Variants in PSG6 observed in about 807,000 individuals in gnomAD.
PSG6 encodes pregnancy specific beta-1-glycoprotein 6, also known as pregnancy-specific beta-1-glycoprotein 6.
A neutral mutation model predicts 43.3 loss-of-function variants in PSG6; 51 were observed. That is an observed-to-expected ratio of 1.18 (90% confidence interval 0.94 to 1.49). The LOEUF (loss-of-function observed/expected upper bound fraction) is 1.49, where lower values mean the gene tolerates loss of function less well. Ranked by LOEUF, PSG6 falls within the 40% of genes most tolerant of loss-of-function variation. The probability of loss-of-function intolerance (pLI) is 0.00; values close to 1 mark genes in which losing one functional copy is unlikely to be tolerated. For missense variants in PSG6, 770 were observed against 522.2 expected (o/e 1.47, Z -4.62); for synonymous variants, 292 against 197.6 (o/e 1.48, Z -4.01).
intron 5 of PSG6, among the ~76,000 whole-genome samples, chr19:42,906,406 G>A (rs1441297291): frequency 6.6e-6 from 1 of 150,680 alleles, no homozygotes; most frequent in African/African-American, 2.5e-5. Context: ...GGTGGAGTCA[G>A]GCAGGGCCAG....
At position 42,915,450 on chromosome 19, in the gene PSG6, A is replaced by G. The variant is rs1347544104; in HGVS notation, c.427+675T>C. 2.0e-5 allele frequency: 3 copies of G among 151,828 alleles called. 1 individual carries two copies. Among genetic ancestry groups the G allele is most frequent in the African/African-American group, 7.3e-5 (3 of 41,192 alleles). The allele number at this position is 151,828 out of a possible 1,614,324, so 9.4% of individuals were successfully genotyped here. ...CTGTTTCTGCTTCTGGGGATATTAG[A>G]CTTTCTATGGAGTGTCCTAGGCCTC... is the stretch of plus-strand genomic sequence containing the variant. On this transcript the variant is annotated intron_variant, in intron 2 of 5. Coordinates refer to ENST00000187910, the MANE Select transcript of PSG6 (RefSeq NM_001031850.4).
At chr19:42,914,682 A>T (rs1056722918) in intron 2 of PSG6, among the ~76,000 whole-genome samples, 3 of 151,470 alleles carry the variant, frequency 2.0e-5, no homozygotes, top group African/African-American at 7.3e-5. Flanking sequence ...ACCTCCTAGG[A>T]TTCTGATTCC....
chr19:42,912,654 G>A (rs1395836492), intron 2 of PSG6, among the ~76,000 whole-genome samples: 3 of 151,816 alleles, frequency 2.0e-5, no homozygotes, highest in African/African-American at 4.8e-5. Context: ...ACAAAACATG[G>A]GGAGGACCCC....
At position 42,916,241 on chromosome 19, in the gene PSG6, G is replaced by A. The variant is rs769630585; in HGVS notation, c.311C>T (p.Ala104Val). The change falls in exon 2 of 6, where the codon GCA becomes GTA. Residue 104 changes from alanine to valine, a missense_variant. By Grantham distance (64) the Ala-to-Val change is moderately conservative. Coordinates refer to ENST00000187910, the MANE Select transcript of PSG6 (RefSeq NM_001031850.4). ...YSGRETVYSN[A>V]SLLIQNVTQE... ...TGTGACATTCTGGATCAGCAGGGAT[G>A]CATTGGAATATACTGTTTCTCGTCC... The A allele has an allele frequency of 2.2e-5, 36 of 1,612,154 alleles. No individual in the cohort carries two copies. Among genetic ancestry groups the A allele is most frequent in the Admixed American group, 3.3e-5 (2 of 59,886 alleles).
Position 42,904,965 on chromosome 19 carries a change from C to A in PSG6, c.1240+1957G>T, listed in dbSNP as rs191622984. 1.1e-4 allele frequency among the ~76,000 whole-genome samples: 17 copies of A among 151,630 alleles called. 1 individual carries two copies. The highest frequency in any genetic ancestry group is 4.4e-5 in the Non-Finnish European group (3 of 67,848). ...TAGAAATTAATGAAATATCATAGCC[C>A]AGAAAGAAATGCTTGCATATATGGC... On this transcript the variant is annotated intron_variant, in intron 5 of 5. Transcript: ENST00000187910.
At chr19:42,911,637 A>G (rs1972228881) in intron 2 of PSG6, among the ~76,000 whole-genome samples, 1 of 151,764 alleles carries the variant, frequency 6.6e-6, no homozygotes, top group Non-Finnish European at 1.5e-5. Flanking sequence ...GACCATATGG[A>G]TCTTTCTAGA....
At chr19:42,909,118 A>C (rs771594031) in intron 3 of PSG6, among the ~76,000 whole-genome samples, 1 of 151,776 alleles carries the variant, frequency 6.6e-6, no homozygotes, top group African/African-American at 2.4e-5. Context: ...TGAAAGATTC[A>C]AAATGTAAAA....
intron 2 of PSG6, among the ~76,000 whole-genome samples, chr19:42,912,854 A>G (rs1291066334): frequency 6.6e-6 from 1 of 151,712 alleles, no homozygotes; most frequent in Non-Finnish European, 1.5e-5. Flanking sequence ...CACAGGCAGT[A>G]AAACCATGAG....
At chr19:42,913,215 A>G (rs1972260999) in intron 2 of PSG6, among the ~76,000 whole-genome samples, 1 of 151,316 alleles carries the variant, frequency 6.6e-6, no homozygotes, top group Non-Finnish European at 1.5e-5. Context: ...CAGTGGCATG[A>G]TCTCAGCTCA....
Position 42,902,447 on chromosome 19 carries a change from C to T in PSG6, c.1241-1G>A, listed in dbSNP as rs755659421. Reference sequence around the variant, plus strand: ...TCTGTCTGGTTTCCATGGCAGGGACCTGATTGACAGAAGGCCCAGGTCAGC... The same window carrying T: ...TCTGTCTGGTTTCCATGGCAGGGACTTGATTGACAGAAGGCCCAGGTCAGC... On this transcript the variant is annotated splice_acceptor_variant, in intron 5 of 5. Coordinates refer to ENST00000187910, the MANE Select transcript of PSG6 (RefSeq NM_001031850.4). LOFTEE classifies it high-confidence loss of function. The T allele has an allele frequency of 6.2e-6, 10 of 1,610,850 alleles. No individual in the cohort carries two copies. The highest frequency in any genetic ancestry group is 8.5e-6 in the Non-Finnish European group (10 of 1,178,302).
At position 42,916,146 on chromosome 19, in the gene PSG6, A is replaced by G. The variant is rs768949937; in HGVS notation, c.406T>C (p.Tyr136His). The G allele has an allele frequency of 9.9e-6, 16 of 1,611,634 alleles. No homozygotes were observed. The highest frequency in any genetic ancestry group is 2.7e-5 in the African/African-American group (2 of 74,684). The change falls in exon 2 of 6, where the codon TAT becomes CAT. Residue 136 changes from tyrosine to histidine, a missense_variant. Transcript: ENST00000187910. ...TCACAGTATAAGGTGACAGTGAAAT[A>G]TCCAGTTACTCCTCCAGTCCCATCG... ...RGDGTGGVTG[Y>H]FTVTLYSETP...
In PSG6 at chr19:42,906,900, A is replaced by G. The variant is rs370125103; in HGVS notation, c.1240+22T>C. 120 of 1,612,072 alleles carry G rather than the reference A, an allele frequency of 7.4e-5. 4 individuals are homozygous for G. Among genetic ancestry groups the G allele is most frequent in the Admixed American group, 2.2e-4 (13 of 59,862 alleles). On this transcript the variant is annotated intron_variant, in intron 5 of 5. Transcript: ENST00000187910. Reference sequence around the variant, plus strand: ...AGACTCCACCTAAAACCCTATTGCCAAGGATGCTGGGATCCACTTACCAGA... The same window carrying G: ...AGACTCCACCTAAAACCCTATTGCCGAGGATGCTGGGATCCACTTACCAGA...
intron 2 of PSG6, 125 bp downstream of exon 2, chr19:42,916,000 A>C: frequency 4.6e-6 from 7 of 1,518,920 alleles, no homozygotes; most frequent in Non-Finnish European, 6.3e-6. Context: ...CTAAATGCCC[A>C]AACCCCAGCA....
At chr19:42,911,385 G>A (rs1972222382) in intron 2 of PSG6, among the ~76,000 whole-genome samples, 1 of 151,586 alleles carries the variant, frequency 6.6e-6, no homozygotes, top group Admixed American at 6.6e-5. Flanking sequence ...ATAACACAGG[G>A]GAGACCAGAG....
At chr19:42,903,582 A>G in intron 5 of PSG6, 9 of 1,403,868 alleles carry the variant, frequency 6.4e-6, no homozygotes, top group African/African-American at 1.5e-5. Flanking sequence ...AAAAGATAAA[A>G]TTACTCAAAT....
At chr19:42,914,705 C>T (rs1037630758) in intron 2 of PSG6, among the ~76,000 whole-genome samples, 1 of 151,602 alleles carries the variant, frequency 6.6e-6, no homozygotes, top group African/African-American at 2.4e-5. Context: ...GATCCAGTCT[C>T]TAAAGAGGTT....
chr19:42,903,381 T>G lies in PSG6; in HGVS notation c.1241-935A>C, dbSNP rs147961578. 9.5e-3 allele frequency among the ~76,000 whole-genome samples: 1,442 copies of G among 151,516 alleles called. 43 individuals are homozygous for G. Among genetic ancestry groups the G allele is most frequent in the Non-Finnish European group, 0.016 (1,059 of 67,870 alleles). Reference sequence around the variant, plus strand: ...CAGGTCAACAACCTACTTTAATACTTCAGGATACGAAAGAAGAACAAACTA... The same window carrying G: ...CAGGTCAACAACCTACTTTAATACTGCAGGATACGAAAGAAGAACAAACTA... On this transcript the variant is annotated intron_variant, in intron 5 of 5. Transcript: ENST00000187910.
At position 42,907,859 on chromosome 19, in the gene PSG6, G is replaced by A; in HGVS notation, c.707-5C>T. The A allele has an allele frequency of 1.2e-6, 2 of 1,610,104 alleles. No individual in the cohort carries two copies. The highest frequency in any genetic ancestry group is 1.7e-6 in the Non-Finnish European group (2 of 1,178,774). On this transcript the variant is annotated splice_region_variant and splice_polypyrimidine_tract_variant and intron_variant, in intron 3 of 5. Transcript: ENST00000187910. ...TGTAAGGCATGGGCAGCTTCGCTGT[G>A]TGGATAACAGAAGATTGTCCTGTGT...
chr19:42,913,086 C>T (rs1237651106), intron 2 of PSG6, among the ~76,000 whole-genome samples: 4 of 151,652 alleles, frequency 2.6e-5, no homozygotes, highest in Non-Finnish European at 4.4e-5. Flanking sequence ...GACACATTCT[C>T]AAGCTAGGGA....
Sources: allele counts gnomAD v4.1 joint callset (sites outside exome capture counted in the v4.1 genomes callset), GRCh38; gene constraint gnomAD v4.1.1; transcripts MANE v1.5; gene names NCBI Gene and HGNC (gene_info 2026-07-23, HGNC 2026-07-21).